DNAH7: variants seen among roughly 807,000 people sequenced by gnomAD.
DNAH7 encodes the protein axonemal beta dynein heavy chain 7.
A neutral mutation model predicts 444.6 loss-of-function variants in DNAH7; 397 were observed. That is an observed-to-expected ratio of 0.89 (90% CI 0.82 to 0.97). The LOEUF is 0.97. Among genes scored for constraint, DNAH7 ranks in the 50% least tolerant of loss-of-function variants. The pLI is 0.00. For missense variants in DNAH7, 4,902 were observed against 4,800.8 expected, an observed-to-expected ratio of 1.02 and a Z score of -0.62; for synonymous variants, 1,636 against 1,624.4, an observed-to-expected ratio of 1.01 and a Z score of -0.17.
intron 27 of DNAH7, chr2:195,905,459 G>A (rs1273906683): frequency 1.3e-5 from 2 of 152,088 alleles, no homozygotes; most frequent in Admixed American, 6.6e-5. Context: ...AAAAACACTT[G>A]GCAGCAATTA....
chr2:195,791,099 C>A (rs796326340), intron 57 of DNAH7, among the ~76,000 whole-genome samples: 1 of 152,100 alleles, frequency 6.6e-6, no homozygotes, highest in African/African-American at 2.4e-5. Flanking sequence ...AAGTGCTCCA[C>A]ATCACTAATC....
intron 5 of DNAH7, among the ~76,000 whole-genome samples, chr2:196,032,610 T>C (rs973697342): frequency 2.0e-5 from 3 of 152,232 alleles, no homozygotes; most frequent in African/African-American, 4.8e-5. Flanking sequence ...CTGTATCAAG[T>C]ACACTAATTG....
At chr2:196,056,597 C>T (rs1334243631) in intron 2 of DNAH7, among the ~76,000 whole-genome samples, 1 of 151,992 alleles carries the variant, frequency 6.6e-6, no homozygotes, top group African/African-American at 2.4e-5. Flanking sequence ...TGAAAGATGA[C>T]AGATAAATGC....
chr2:195,766,421 G>A (rs769551615), intron 61 of DNAH7, among the ~76,000 whole-genome samples: 9 of 151,878 alleles, frequency 5.9e-5, no homozygotes, highest in Admixed American at 2.6e-4. Flanking sequence ...ACTGGCCTCC[G>A]GTTCCCAAAG....
chr2:196,012,682 G>T lies in DNAH7; in HGVS notation c.989+105C>A. The T allele has an allele frequency of 4.3e-6, 5 of 1,168,248 alleles. No homozygotes were observed. In the South Asian group the frequency reaches 4.7e-5, roughly 11 times the overall value. 72.4% of individuals were successfully genotyped at this position (1,168,248 alleles called of 1,614,324 possible). A position where few individuals can be genotyped will look rare whatever the true frequency, so the allele number is the denominator to read the frequency against. On this transcript the variant is annotated intron_variant, in intron 10 of 64. Coordinates refer to ENST00000312428, the MANE Select transcript of DNAH7 (RefSeq NM_018897.3). ...TATTATATTTAAATCATGTAGAAAT[G>T]ATTTAAAACATTAAAATTGGATCTT...
chr2:195,848,076 T>C (rs1285170160), intron 46 of DNAH7, among the ~76,000 whole-genome samples: 2 of 152,212 alleles, frequency 1.3e-5, no homozygotes, highest in South Asian at 2.1e-4. Flanking sequence ...TGGATATGTA[T>C]GGTGCTGGTA....
At chr2:195,778,022 G>T (rs762841417) in intron 58 of DNAH7, 37 bp from the exon 59 acceptor site, 3 of 1,547,454 alleles carry the variant, frequency 1.9e-6, no homozygotes, top group Non-Finnish European at 8.8e-7. Context: ...GTTATCAGTA[G>T]CATGTTATAC....
chr2:195,755,307 A>C, intron 62 of DNAH7, among the ~76,000 whole-genome samples: 1 of 152,210 alleles, frequency 6.6e-6, no homozygotes, highest in East Asian at 1.9e-4. Context: ...TTCCTGGAAG[A>C]AGCAGGGTAG....
rs768421647 is a variant in DNAH7 at position 195,864,704 on chromosome 2, T to C, written c.6951A>G (p.Arg2317=). 1 of 1,614,204 alleles carries C rather than the reference T, an allele frequency of 6.2e-7. No homozygotes were observed. The highest frequency in any genetic ancestry group is 8.5e-7 in the Non-Finnish European group (1 of 1,180,024). The part of the protein sequence containing the change: ...SKKPMNLVLF[R]FAIEHISRIS... Reference sequence around the variant, plus strand: ...TTCTGCTGATGTGCTCTATGGCAAATCGAAACAAGACAAGGTTCATGGGTT... The same window carrying C: ...TTCTGCTGATGTGCTCTATGGCAAACCGAAACAAGACAAGGTTCATGGGTT... Residue 2317 remains arginine (R), a synonymous_variant, in exon 41 of 65, where the codon CGA becomes CGG. Coordinates refer to ENST00000312428, the MANE Select transcript of DNAH7 (RefSeq NM_018897.3).
intron 54 of DNAH7, among the ~76,000 whole-genome samples, chr2:195,804,098 G>A (rs976337484): frequency 6.6e-6 from 1 of 152,094 alleles, no homozygotes; most frequent in Admixed American, 6.5e-5. Flanking sequence ...GGAGCATACA[G>A]TAAACTAGAG....
At chr2:196,009,554 A>G (rs939104789) in intron 10 of DNAH7, among the ~76,000 whole-genome samples, 3 of 152,310 alleles carry the variant, frequency 2.0e-5, no homozygotes. Flanking sequence ...GCTGAGATTC[A>G]GGTGCTGACG....
chr2:195,803,061 T>A (rs1326254547), intron 54 of DNAH7, among the ~76,000 whole-genome samples: 2 of 152,266 alleles, frequency 1.3e-5, no homozygotes, highest in Admixed American at 1.3e-4. Context: ...ATATCCTAAT[T>A]GTCTGTCCCA....
At chr2:195,765,959 G>A (rs1205031860) in intron 61 of DNAH7, among the ~76,000 whole-genome samples, 2 of 151,970 alleles carry the variant, frequency 1.3e-5, no homozygotes, top group Non-Finnish European at 2.9e-5. Context: ...CAAAAGCCAA[G>A]ATATGAAAGC....
intron 19 of DNAH7, among the ~76,000 whole-genome samples, chr2:195,950,008 A>AT (rs1431195476): frequency 6.6e-6 from 1 of 152,170 alleles, no homozygotes. Context: ...GTTTGCCAGT[A>AT]TTTTATTGAG....
chr2:195,800,506 C>T (rs1450898552), intron 54 of DNAH7, among the ~76,000 whole-genome samples: 2 of 152,126 alleles, frequency 1.3e-5, no homozygotes, highest in Admixed American at 1.3e-4. Flanking sequence ...CAATATATAG[C>T]AAAGCAAGGA....
Position 195,988,109 on chromosome 2 carries a change from T to G in DNAH7, c.1474A>C (p.Arg492=), listed in dbSNP as rs1248034265. The G allele has an allele frequency of 6.2e-7, 1 of 1,613,722 alleles. No homozygotes were observed. Among genetic ancestry groups the G allele is most frequent in the East Asian group, 2.2e-5 (1 of 44,864 alleles). Residue 492 remains arginine, a synonymous_variant, in exon 13 of 65, where the codon AGA becomes CGA. Transcript: ENST00000312428. ...AAAAAGTCATACTTGTCATAGAGTCTGAGGTGCTCAGTAGGTGCCACACTC... is the reference window on the plus strand; with the variant it reads ...AAAAAGTCATACTTGTCATAGAGTCGGAGGTGCTCAGTAGGTGCCACACTC... ...KESVAPTEHL[R]LYDKYDFLIT... is the part of the protein sequence containing the mutation.
chr2:195,758,758 T>A (rs972603139), intron 61 of DNAH7, among the ~76,000 whole-genome samples: 4 of 152,216 alleles, frequency 2.6e-5, no homozygotes, highest in African/African-American at 7.2e-5. Context: ...TGATTGAGAC[T>A]GTACTGGAAC....
intron 20 of DNAH7, among the ~76,000 whole-genome samples, chr2:195,935,212 G>C (rs770588186): frequency 1.3e-5 from 2 of 152,112 alleles, no homozygotes; most frequent in Non-Finnish European, 2.9e-5. Context: ...TGAAAATTGT[G>C]GACTATGTTT....
intron 58 of DNAH7, 146 bp downstream of exon 58, chr2:195,786,864 A>C: frequency 1.4e-6 from 1 of 732,900 alleles, no homozygotes. Flanking sequence ...ATTACAATAA[A>C]GTACTACTTA....
Sources: allele counts gnomAD v4.1 joint callset (sites outside exome capture counted in the v4.1 genomes callset), GRCh38; gene constraint gnomAD v4.1.1; transcripts MANE v1.5; gene names NCBI Gene and HGNC (gene_info 2026-07-23, HGNC 2026-07-21).